Variants in GSK3B observed in about 807,000 individuals in gnomAD.
The protein encoded by GSK3B is glycogen synthase kinase-3 beta.
A neutral mutation model predicts 56.4 loss-of-function variants in GSK3B; 15 were observed. That is an observed-to-expected ratio of 0.27 (90% CI 0.18 to 0.41). The LOEUF is 0.41. Ranked by LOEUF, GSK3B falls within the 10% of genes least tolerant of loss-of-function variation. The pLI, the probability that GSK3B is intolerant of heterozygous loss-of-function variation, is 1.00. For missense variants in GSK3B, 300 were observed against 513.4 expected (o/e 0.58, Z 4.02); for synonymous variants, 181 against 188.9 (o/e 0.96, Z 0.34).
chr3:119,996,508 T>C (rs988529020), intron 2 of GSK3B, among the ~76,000 whole-genome samples: 1 of 152,184 alleles, frequency 6.6e-6, no homozygotes, highest in African/African-American at 2.4e-5. Context: ...CTGTAATACA[T>C]GAAAAGTATT....
Position 120,002,181 on chromosome 3 carries a change from G to C in GSK3B, c.147C>G (p.Asp49Glu). 6.2e-7 allele frequency: 1 copy of C among 1,606,278 alleles called. No individual in the cohort carries two copies. The highest frequency in any genetic ancestry group is 1.1e-5 in the South Asian group (1 of 89,610). The change falls in exon 2 of 11, where the codon GAC becomes GAG. Residue 49 changes from aspartate (D) to glutamate (E), a missense_variant. Coordinates refer to ENST00000264235, the MANE Select transcript of GSK3B (RefSeq NM_001146156.2). ...TVVATPGQGPDRPQEVSYTDT... is the reference protein window; with the variant it reads ...TVVATPGQGPERPQEVSYTDT... ...CTGTATAGCTGACTTCTTGTGGCCT[G>C]TCTGGACCCTGCCCAGGAGTTGCCA...
intron 1 of GSK3B, among the ~76,000 whole-genome samples, chr3:120,056,089 T>C (rs1378837199): frequency 6.6e-6 from 1 of 152,232 alleles, no homozygotes; most frequent in East Asian, 1.9e-4. Context: ...TGCAGAGGCA[T>C]ATACAGAATC....
At chr3:119,941,084 C>T (rs897679271) in intron 3 of GSK3B, among the ~76,000 whole-genome samples, 1 of 149,280 alleles carries the variant, frequency 6.7e-6, no homozygotes. Flanking sequence ...GGCTCGATCT[C>T]GGCTCACTGC....
rs115806062 is a variant in GSK3B, at chr3:119,872,732, T to G, written c.909+3681A>C. On this transcript the variant is annotated intron_variant, in intron 8 of 10. Transcript: ENST00000264235. ...ATTTATTCAAAACTAAAGTAATCCT[T>G]TATATGTATATTATGGCTGTATTTT... Among the ~76,000 whole-genome samples, 643 of 152,238 alleles carry G rather than the reference T, an allele frequency of 4.2e-3. 1 individual carries two copies. The highest frequency in any genetic ancestry group is 0.015 in the African/African-American group (607 of 41,546).
chr3:120,035,712 A>G (rs932996611), intron 1 of GSK3B, among the ~76,000 whole-genome samples: 8 of 152,108 alleles, frequency 5.3e-5, no homozygotes, highest in African/African-American at 1.9e-4. Context: ...AAATGTATTC[A>G]TAAGTATTTT....
chr3:120,087,851 G>A (rs2058478254), intron 1 of GSK3B, among the ~76,000 whole-genome samples: 1 of 151,998 alleles, frequency 6.6e-6, no homozygotes, highest in Admixed American at 6.6e-5. Flanking sequence ...AAAATGGTAA[G>A]GGGGATTATA....
intron 4 of GSK3B, among the ~76,000 whole-genome samples, chr3:119,917,565 C>A (rs147976942): frequency 2.0e-5 from 3 of 151,528 alleles, no homozygotes; most frequent in African/African-American, 7.3e-5. Context: ...CCATAAGAAA[C>A]TGAGTTCATA....
chr3:119,828,070 G>A (rs892579974), intron 10 of GSK3B, among the ~76,000 whole-genome samples: 54 of 151,956 alleles, frequency 3.6e-4, no homozygotes, highest in African/African-American at 1.1e-3. Context: ...AAATATCTCA[G>A]GTAACCCATA....
chr3:120,084,825 CTT>C (rs2058450055), intron 1 of GSK3B, among the ~76,000 whole-genome samples: 1 of 152,196 alleles, frequency 6.6e-6, no homozygotes, highest in Non-Finnish European at 1.5e-5. Flanking sequence ...CTCCAACTAA[CTT>C]ATATTTAGAG....
At chr3:119,894,537 G>A (rs1452767127) in intron 7 of GSK3B, among the ~76,000 whole-genome samples, 1 of 152,016 alleles carries the variant, frequency 6.6e-6, no homozygotes, top group Non-Finnish European at 1.5e-5. Context: ...TATGCTTACT[G>A]GCCATTTGTG....
chr3:119,999,995 A>C lies in GSK3B; in HGVS notation c.282+2051T>G, dbSNP rs187874443. The stretch of plus-strand genomic sequence containing the variant: ...CATGACCAATGAGAACTCTGGGATT[A>C]TTCTAGTCTTAGTACACAGAAGAGA... On this transcript the variant is annotated intron_variant, in intron 2 of 10. Coordinates refer to ENST00000264235, the MANE Select transcript of GSK3B (RefSeq NM_001146156.2). 9.6e-4 allele frequency among the ~76,000 whole-genome samples: 147 copies of C among 152,348 alleles called. 2 individuals carry two copies. In the Middle Eastern group the frequency reaches 0.01, roughly 11 times the overall value.
intron 9 of GSK3B, among the ~76,000 whole-genome samples, chr3:119,855,812 C>G (rs748310971): frequency 7.3e-5 from 11 of 151,502 alleles, no homozygotes; most frequent in Non-Finnish European, 1.5e-4. Flanking sequence ...GGGAACATCA[C>G]ACACCGGGGC....
chr3:120,085,208 C>T (rs545901204), intron 1 of GSK3B, among the ~76,000 whole-genome samples: 1 of 152,052 alleles, frequency 6.6e-6, no homozygotes, highest in Non-Finnish European at 1.5e-5. Flanking sequence ...TAATTACTGC[C>T]GTTATTACCA....
At chr3:119,954,307 A>AC (rs1559851422) in intron 2 of GSK3B, among the ~76,000 whole-genome samples, 104 of 121,726 alleles carry the variant, frequency 8.5e-4, no homozygotes, top group Middle Eastern at 3.8e-3. Context: ...TAGAATAGAA[A>AC]AGAAACAGAA....
At chr3:119,829,245 G>A (rs1445745822) in intron 10 of GSK3B, among the ~76,000 whole-genome samples, 4 of 151,922 alleles carry the variant, frequency 2.6e-5, no homozygotes, top group Non-Finnish European at 2.9e-5. Flanking sequence ...CATGATTCAT[G>A]CACAGGCTGC....
chr3:119,923,486 G>A lies in GSK3B; in HGVS notation c.367-3C>T, dbSNP rs1464485141. ...AGATTAAGATAGACCTCATCTTTCT[G>A]AAAGAGTTTATTTAAAAAAACAAAA... On this transcript the variant is annotated splice_polypyrimidine_tract_variant and splice_region_variant and intron_variant, in intron 3 of 10. Transcript: ENST00000264235. 6.8e-7 allele frequency: 1 copy of A among 1,465,966 alleles called. No homozygotes were observed. Among genetic ancestry groups the A allele is most frequent in the Non-Finnish European group, 9.4e-7 (1 of 1,065,500 alleles). 90.8% of individuals were successfully genotyped at this position (1,465,966 alleles called of 1,614,324 possible).
At chr3:119,987,238 G>C (rs1239191257) in intron 2 of GSK3B, among the ~76,000 whole-genome samples, 1 of 152,140 alleles carries the variant, frequency 6.6e-6, no homozygotes, top group Non-Finnish European at 1.5e-5. Context: ...ATGATGAGTT[G>C]ATGGGTGCAG....
chr3:119,982,765 CA>C (rs2057476249), intron 2 of GSK3B, among the ~76,000 whole-genome samples: 1 of 152,104 alleles, frequency 6.6e-6, no homozygotes, highest in Non-Finnish European at 1.5e-5. Flanking sequence ...AGAAGGGAAC[CA>C]AGTTGGAAAA....
chr3:119,838,754 T>C (rs1293467627), intron 10 of GSK3B, among the ~76,000 whole-genome samples: 4 of 152,222 alleles, frequency 2.6e-5, no homozygotes. Flanking sequence ...TATTATATGA[T>C]TTATGATTAT....
Sources: allele counts gnomAD v4.1 joint callset (sites outside exome capture counted in the v4.1 genomes callset), GRCh38; gene constraint gnomAD v4.1.1; transcripts MANE v1.5; gene names NCBI Gene and HGNC (gene_info 2026-07-23, HGNC 2026-07-21).